DNAAF9: variants seen among roughly 807,000 people sequenced by gnomAD.
The protein encoded by DNAAF9 is dynein axonemal assembly factor 9.
Under a neutral mutation model 167.0 loss-of-function variants are expected in DNAAF9, and 90 were observed. That is an observed-to-expected ratio of 0.54 (90% CI 0.45 to 0.64). DNAAF9 has a LOEUF of 0.64. Ranked by LOEUF, DNAAF9 falls within the 30% of genes least tolerant of loss-of-function variation. DNAAF9 has a pLI of 0.00. For missense variants in DNAAF9, 1,315 were observed against 1,442.2 expected, an observed-to-expected ratio of 0.91 and a Z score of 1.43; for synonymous variants, 491 against 508.8, an observed-to-expected ratio of 0.96 and a Z score of 0.47.
chr20:3,401,083 G>A (rs1433494340), intron 1 of DNAAF9, among the ~76,000 whole-genome samples: 1 of 152,160 alleles, frequency 6.6e-6, no homozygotes, highest in Non-Finnish European at 1.5e-5. Context: ...CCGTAGATCT[G>A]TAAACCCTCC....
At chr20:3,272,299 A>C (rs2068606707) in intron 29 of DNAAF9, among the ~76,000 whole-genome samples, 1 of 152,164 alleles carries the variant, frequency 6.6e-6, no homozygotes, top group South Asian at 2.1e-4. Context: ...TCAGTGGCTC[A>C]CTGAAGCATT....
chr20:3,301,157 G>C (rs2069179689), intron 21 of DNAAF9, among the ~76,000 whole-genome samples: 1 of 148,814 alleles, frequency 6.7e-6, no homozygotes, highest in Non-Finnish European at 1.5e-5. Context: ...TGCGACTTCA[G>C]GTATACACCA....
At chr20:3,282,312 G>C (rs1394384469) in intron 27 of DNAAF9, among the ~76,000 whole-genome samples, 1 of 152,112 alleles carries the variant, frequency 6.6e-6, no homozygotes, top group African/African-American at 2.4e-5. Context: ...TCAGATGCTA[G>C]GCTCAAATAT....
Position 3,294,545 on chromosome 20 carries a change from T to C in DNAAF9, c.2103A>G (p.Lys701=), listed in dbSNP as rs1340421814. Residue 701 remains lysine, a synonymous_variant, in exon 24 of 37, where the codon AAA becomes AAG. Transcript: ENST00000252032. ...GAGCTTACCAGTCCAGCTCTGGGAG[T>C]TTGGCTGAGAGTAACTTTAGGGAAC... is the stretch of plus-strand genomic sequence containing the variant. ...KRSSLKLLSA[K]LPELDWFLQH... The C allele has an allele frequency of 3.7e-6, 6 of 1,611,134 alleles. No homozygotes were observed. The East Asian group carries it at 8.9e-5, about 24-fold the overall frequency.
At chr20:3,360,549 G>A (rs573987685) in intron 6 of DNAAF9, among the ~76,000 whole-genome samples, 5 of 152,224 alleles carry the variant, frequency 3.3e-5, no homozygotes, top group East Asian at 1.9e-4. Flanking sequence ...TCAGCATTTA[G>A]TGGTCCTGAA....
intron 6 of DNAAF9, among the ~76,000 whole-genome samples, chr20:3,366,498 A>C (rs987979283): frequency 6.6e-6 from 1 of 152,188 alleles, no homozygotes; most frequent in Non-Finnish European, 1.5e-5. Context: ...ATTTGGCATA[A>C]TCCCTAAGGG....
chr20:3,310,375 A>AAGAAAGAC (rs2069390049), intron 20 of DNAAF9, among the ~76,000 whole-genome samples: 1 of 151,264 alleles, frequency 6.6e-6, no homozygotes, highest in East Asian at 1.9e-4. Flanking sequence ...GAAAGAAAGA[A>AAGAAAGAC]AGAAAGAAAG....
In DNAAF9 at chr20:3,251,248, T is replaced by C. The variant is rs1326821110; in HGVS notation, c.*1324A>G. 6.6e-6 allele frequency: 1 copy of C among 151,994 alleles called. No homozygotes were observed. The highest frequency in any genetic ancestry group is 1.5e-5 in the Non-Finnish European group (1 of 68,020). The allele number at this position is 151,994 out of a possible 1,614,324, so 9.4% of individuals were successfully genotyped here. The stretch of plus-strand genomic sequence containing the variant: ...AGGCACACAGACTACATGTGCTCCA[T>C]CTTGTCTCTCCGCTGCTCCAGGGGC... On this transcript the variant is annotated 3_prime_UTR_variant, in exon 37 of 37. Coordinates refer to ENST00000252032, the MANE Select transcript of DNAAF9 (RefSeq NM_001009984.3).
intron 4 of DNAAF9, among the ~76,000 whole-genome samples, 181 bp downstream of exon 4, chr20:3,375,997 C>T (rs529781079): frequency 2.7e-4 from 41 of 152,344 alleles, no homozygotes; most frequent in African/African-American, 8.7e-4. Flanking sequence ...TCTCCACAGG[C>T]ATACAATTTA....
chr20:3,355,873 A>G (rs957378920), intron 7 of DNAAF9, among the ~76,000 whole-genome samples: 7 of 151,786 alleles, frequency 4.6e-5, no homozygotes, highest in South Asian at 2.1e-4. Flanking sequence ...TTGAGTTTTG[A>G]TAACAGCTAA....
At chr20:3,385,695 G>T (rs2083724649) in intron 1 of DNAAF9, among the ~76,000 whole-genome samples, 1 of 152,184 alleles carries the variant, frequency 6.6e-6, no homozygotes, top group African/African-American at 2.4e-5. Context: ...GCCTTCCAAA[G>T]TGATGGGACA....
At chr20:3,284,628 T>C (rs1439609612) in intron 27 of DNAAF9, among the ~76,000 whole-genome samples, 1 of 152,208 alleles carries the variant, frequency 6.6e-6, no homozygotes, top group Non-Finnish European at 1.5e-5. Context: ...TAACTTTCTT[T>C]TCTCTGAAAC....
chr20:3,333,841 G>A (rs769775548), intron 10 of DNAAF9, among the ~76,000 whole-genome samples: 14 of 152,174 alleles, frequency 9.2e-5, no homozygotes, highest in Non-Finnish European at 1.9e-4. Context: ...CAACACACCA[G>A]CACAGGTGTT....
At chr20:3,257,721 T>TC (rs1370216405) in intron 33 of DNAAF9, among the ~76,000 whole-genome samples, 2 of 150,592 alleles carry the variant, frequency 1.3e-5, no homozygotes, top group African/African-American at 2.4e-5. Flanking sequence ...TTTTTTTTTT[T>TC]GAGACAGAGT....
chr20:3,363,191 T>C (rs2083385086), intron 6 of DNAAF9, among the ~76,000 whole-genome samples: 1 of 149,812 alleles, frequency 6.7e-6, no homozygotes, highest in Admixed American at 6.7e-5. Context: ...ATCGTGCCAT[T>C]GCTCTCTGGC....
chr20:3,295,529 G>A (rs570319520), intron 23 of DNAAF9: 41 of 248,530 alleles, frequency 1.6e-4, no homozygotes, highest in Non-Finnish European at 2.6e-4. Context: ...CTGTATTTAT[G>A]TTGAATTCCC....
chr20:3,306,776 T>G (rs1444004549), intron 20 of DNAAF9: 1 of 323,738 alleles, frequency 3.1e-6, no homozygotes. Context: ...GCCTGTTCAC[T>G]GCTGTCTCCC....
rs774810573 is a variant in DNAAF9 at position 3,315,748 on chromosome 20, T to C, written c.1577A>G (p.Gln526Arg). 1.2e-6 allele frequency: 2 copies of C among 1,613,656 alleles called. No homozygotes were observed. Among genetic ancestry groups the C allele is most frequent in the Non-Finnish European group, 1.7e-6 (2 of 1,179,494 alleles). The change falls in exon 19 of 37, where the codon CAG (glutamine) becomes CGG (arginine). Residue 526 changes from glutamine to arginine, a missense_variant. Gln to Arg is a conservative substitution (Grantham distance 43). Around this residue, in one of 2 missense-constraint regions of DNAAF9, gnomAD observed 981 missense variants for 1,012.5 expected, o/e 0.97. Transcript: ENST00000252032. This position sits in a 1 kb window ranked among gnomAD's most constrained non-coding sequence, Gnocchi z 4.1. Reference sequence around the variant, plus strand: ...AAGGCTGCTTACCCTCACTGCTTGCTGGGTTTTCTCAGACAATTTTACTTC... The same window carrying C: ...AAGGCTGCTTACCCTCACTGCTTGCCGGGTTTTCTCAGACAATTTTACTTC... Reference protein sequence around the residue: ...DNEVKLSEKTQQAVRGDESFL... With the variant: ...DNEVKLSEKTRQAVRGDESFL...
chr20:3,315,425 T>C lies in DNAAF9; in HGVS notation c.1591-305A>G, dbSNP rs1298130724. ...TGTGAAAACAGAGGCAGCTTCTCCT[T>C]GGCCTAAAGCCTTGATGTCTCAGCT... On this transcript the variant is annotated intron_variant, in intron 19 of 36. Coordinates refer to ENST00000252032, the MANE Select transcript of DNAAF9 (RefSeq NM_001009984.3). The surrounding 1 kb of genome is among the most constrained non-coding windows in gnomAD (Gnocchi z 4.1). Among the ~76,000 whole-genome samples the C allele has an allele frequency of 6.6e-6, 1 of 152,248 alleles. No homozygotes were observed. The highest frequency in any genetic ancestry group is 1.5e-5 in the Non-Finnish European group (1 of 68,046).
Sources: allele counts gnomAD v4.1 joint callset (sites outside exome capture counted in the v4.1 genomes callset), GRCh38; gene constraint gnomAD v4.1.1; regional missense constraint gnomAD v4.1.1; non-coding constraint Gnocchi (gnomAD v3.1); transcripts MANE v1.5; gene names NCBI Gene and HGNC (gene_info 2026-07-23, HGNC 2026-07-21).